RASL12: variants seen among roughly 807,000 people sequenced by gnomAD.
RASL12 encodes the protein ras-like protein family member 12.
In RASL12, 16 loss-of-function variants were observed where a neutral mutation model predicts 22.9. That is an observed-to-expected ratio of 0.70 (90% CI 0.47 to 1.06). RASL12 has a LOEUF of 1.06. Among genes scored for constraint, RASL12 ranks in the 50% least tolerant of loss-of-function variants. RASL12 has a pLI of 0.00. For missense variants in RASL12, 306 were observed against 353.1 expected (o/e 0.87, Z 1.07); for synonymous variants, 159 against 152.2 (o/e 1.04, Z -0.33).
At chr15:65,058,362 G>A in intron 4 of RASL12, 65 bp downstream of exon 4, 1 of 1,333,976 alleles carries the variant, frequency 7.5e-7, no homozygotes, top group Non-Finnish European at 9.9e-7. Flanking sequence ...CCCTCAAGAT[G>A]CCACCTGACC....
chr15:65,046,731 G>A, the RASL12 span, among the ~76,000 whole-genome samples: 2 of 152,110 alleles, frequency 1.3e-5, no homozygotes, highest in Non-Finnish European at 2.9e-5. Context: ...TGGGCAAGAT[G>A]ATGAAACCCC....
chr15:65,058,984 G>A (rs1266055981), intron 3 of RASL12, among the ~76,000 whole-genome samples: 1 of 152,226 alleles, frequency 6.6e-6, no homozygotes, highest in East Asian at 1.9e-4. Flanking sequence ...AGGGGGTGGT[G>A]AGGACATGGG....
At chr15:65,060,600 C>T (rs374419850) in intron 2 of RASL12, among the ~76,000 whole-genome samples, 39 of 152,318 alleles carry the variant, frequency 2.6e-4, no homozygotes, top group African/African-American at 8.7e-4. Flanking sequence ...ATTCTCTGCA[C>T]CCCCAATCTG....
At chr15:65,059,240 T>C in intron 3 of RASL12, 105 bp downstream of exon 3, 1 of 943,180 alleles carries the variant, frequency 1.1e-6, no homozygotes, top group South Asian at 1.4e-5. Flanking sequence ...AAGTTGAGCT[T>C]AAAAGGCATC....
At chr15:65,048,618 CTTGTT>C (rs1199945682), downstream of RASL12, among the ~76,000 whole-genome samples, 6 of 152,222 alleles carry the variant, frequency 3.9e-5, no homozygotes, top group Non-Finnish European at 7.3e-5. Context: ...AAACACTTCT[CTTGTT>C]TTATTTTAGT....
At chr15:65,045,797 A>G in the RASL12 span, among the ~76,000 whole-genome samples, 3 of 152,286 alleles carry the variant, frequency 2.0e-5, no homozygotes, top group Non-Finnish European at 4.4e-5. Flanking sequence ...CAAATAAGGC[A>G]TAAAGTTTAA....
intron 2 of RASL12, 63 bp from the exon 3 acceptor site, chr15:65,059,481 CTGTGCTAGACCCCTG>C: frequency 7.7e-7 from 1 of 1,302,944 alleles, no homozygotes; most frequent in East Asian, 2.3e-5. Flanking sequence ...GAGCTTCCCT[CTGTGCTAGACCCCTG>C]TGTGGCCTGG....
At chr15:65,065,836 C>T (rs943046375) in intron 1 of RASL12, among the ~76,000 whole-genome samples, 4 of 152,192 alleles carry the variant, frequency 2.6e-5, no homozygotes, top group Non-Finnish European at 5.9e-5. Flanking sequence ...TCTCCCACAT[C>T]GCAAGTCTTG....
chr15:65,049,967 C>A, downstream of RASL12: 2 of 1,522,490 alleles, frequency 1.3e-6, no homozygotes, highest in South Asian at 1.2e-5. Context: ...GCTAAGGGGT[C>A]TAAGGACCTC....
At chr15:65,069,865 ACTGGGGCC>A (rs1452372356), upstream of RASL12, among the ~76,000 whole-genome samples, 5 of 152,166 alleles carry the variant, frequency 3.3e-5, no homozygotes, top group African/African-American at 4.8e-5. Context: ...CCACCTGGTT[ACTGGGGCC>A]CTCAACTGTG....
chr15:65,048,379 C>G (rs1306494965), downstream of RASL12, among the ~76,000 whole-genome samples: 2 of 152,094 alleles, frequency 1.3e-5, no homozygotes, highest in African/African-American at 4.8e-5. Flanking sequence ...CTAGAGGAAA[C>G]TCTGATGTAA....
chr15:65,057,884 C>T (rs2086752110), intron 4 of RASL12, among the ~76,000 whole-genome samples: 1 of 152,212 alleles, frequency 6.6e-6, no homozygotes, highest in Non-Finnish European at 1.5e-5. Flanking sequence ...GGCCACTCTT[C>T]TGACTTTCAG....
At chr15:65,069,038 A>C (rs1272564622), upstream of RASL12, among the ~76,000 whole-genome samples, 3 of 152,160 alleles carry the variant, frequency 2.0e-5, no homozygotes, top group African/African-American at 7.2e-5. Flanking sequence ...AGCCTCAGAG[A>C]CCTCTCACGG....
rs537313006 is a variant in RASL12 at position 65,062,880 on chromosome 15, A to G, written c.160+2337T>C. ...GAATGTTTAGGCCCCTCCTAGCAGAACCTTCGAGGAGTGGCACTGGCCTCC... is the reference window on the plus strand; with the variant it reads ...GAATGTTTAGGCCCCTCCTAGCAGAGCCTTCGAGGAGTGGCACTGGCCTCC... On this transcript the variant is annotated intron_variant, in intron 2 of 4. Coordinates refer to ENST00000220062, the MANE Select transcript of RASL12 (RefSeq NM_016563.4). Among the ~76,000 whole-genome samples the G allele has an allele frequency of 2.0e-5, 3 of 152,336 alleles. No homozygotes were observed. In the East Asian group the frequency reaches 5.8e-4, roughly 29 times the overall value.
At chr15:65,061,321 T>C (rs2086801493) in intron 2 of RASL12, among the ~76,000 whole-genome samples, 1 of 152,198 alleles carries the variant, frequency 6.6e-6, no homozygotes, top group Non-Finnish European at 1.5e-5. Flanking sequence ...GACTGCTCAG[T>C]GAATCAGCCC....
At chr15:65,059,271 C>T (rs1328682423) in intron 3 of RASL12, 74 bp downstream of exon 3, 13 of 1,329,806 alleles carry the variant, frequency 9.8e-6, no homozygotes, top group Non-Finnish European at 1.3e-5. Flanking sequence ...TCTGAGGTCC[C>T]GCACTCTGGG....
At chr15:65,063,511 C>A (rs567604998) in intron 2 of RASL12, among the ~76,000 whole-genome samples, 2 of 152,176 alleles carry the variant, frequency 1.3e-5, no homozygotes, top group Non-Finnish European at 2.9e-5. Context: ...TCTGGGTGAC[C>A]TTGGCCCAGA....
downstream of RASL12, among the ~76,000 whole-genome samples, chr15:65,051,237 G>A (rs1431356068): frequency 1.3e-5 from 2 of 152,104 alleles, no homozygotes; most frequent in Non-Finnish European, 2.9e-5. Flanking sequence ...CCTGCCCTCC[G>A]TAGGCCTCTG....
chr15:65,065,722 G>A lies in RASL12; in HGVS notation c.104-449C>T, dbSNP rs1045914320. On this transcript the variant is annotated intron_variant, in intron 1 of 4. Coordinates refer to ENST00000220062, the MANE Select transcript of RASL12 (RefSeq NM_016563.4). ...AAACACAGGAAGAGCAGAGTTGATT[G>A]CAGTGGTTGATCTTTGGGAAGGGTA... 6.1e-4 allele frequency among the ~76,000 whole-genome samples: 93 copies of A among 152,180 alleles called. 1 individual carries two copies. Among genetic ancestry groups the A allele is most frequent in the Non-Finnish European group, 1.8e-4 (12 of 68,032 alleles).
Sources: gnomAD v4.1 joint callset for allele counts (sites outside exome capture counted in the v4.1 genomes callset) on GRCh38, gnomAD v4.1.1 for gene constraint, MANE v1.5 for transcripts, NCBI Gene and HGNC (gene_info 2026-07-23, HGNC 2026-07-21) for gene names.